BDP1: variants seen among roughly 807,000 people sequenced by gnomAD.
BDP1 encodes the protein transcription factor TFIIIB component B'' homolog.
Under a neutral mutation model 266.6 loss-of-function variants are expected in BDP1, and 169 were observed. The ratio of observed to expected loss-of-function variants is 0.63; its 90% CI spans 0.56 to 0.72. The LOEUF is 0.72. BDP1 is among the 30% of genes least tolerant of loss of function. The pLI is 0.00. For synonymous variants in BDP1, 1,090 were observed against 1,022.4 expected, an observed-to-expected ratio of 1.07 and a Z score of -1.26; for missense variants, 3,015 against 3,053.8, an observed-to-expected ratio of 0.99 and a Z score of 0.30.
Position 71,510,641 on chromosome 5 carries a change from G to A in BDP1, c.3549G>A (p.Arg1183=), listed in dbSNP as rs1764863122. Reference sequence around the variant, plus strand: ...CAACTGGAAGAGAGGGTTCCTCAAGGGAGAAGACACGAGAGGTGATTGATG... The same window carrying A: ...CAACTGGAAGAGAGGGTTCCTCAAGAGAGAAGACACGAGAGGTGATTGATG... The part of the protein sequence containing the change: ...LKTTGREGSS[R]EKTREVIDAA... Residue 1183 remains arginine, a synonymous_variant, in exon 17 of 39, where the codon AGG becomes AGA. Transcript: ENST00000358731. The A allele has an allele frequency of 1.3e-6, 2 of 1,586,668 alleles. No homozygotes were observed. Among genetic ancestry groups the A allele is most frequent in the Non-Finnish European group, 1.7e-6 (2 of 1,162,844 alleles).
At chr5:71,482,781 T>C (rs538100411) in intron 7 of BDP1, among the ~76,000 whole-genome samples, 1 of 152,222 alleles carries the variant, frequency 6.6e-6, no homozygotes. Flanking sequence ...TTTGAGGAAA[T>C]GTTTAAATAA....
At chr5:71,480,119 T>A (rs1199605339) in intron 7 of BDP1, among the ~76,000 whole-genome samples, 4 of 150,916 alleles carry the variant, frequency 2.7e-5, no homozygotes, top group African/African-American at 7.3e-5. Context: ...TAATTTTTTT[T>A]TTTTTATTTT....
chr5:71,530,997 C>A (rs1766210323), intron 25 of BDP1, among the ~76,000 whole-genome samples: 1 of 152,062 alleles, frequency 6.6e-6, no homozygotes, highest in Non-Finnish European at 1.5e-5. Flanking sequence ...TTGCTTGAGC[C>A]TGAGAGGTTG....
intron 16 of BDP1, among the ~76,000 whole-genome samples, chr5:71,506,817 A>ACACACACACACC (rs1195650711): frequency 8.6e-5 from 12 of 140,216 alleles, no homozygotes; most frequent in African/African-American, 3.1e-4. Context: ...ACACACACAC[A>ACACACACACACC]CACACACCCA....
At chr5:71,500,609 G>A (rs920753099) in intron 13 of BDP1, among the ~76,000 whole-genome samples, 5 of 152,040 alleles carry the variant, frequency 3.3e-5, no homozygotes, top group Non-Finnish European at 5.9e-5. Flanking sequence ...TTACAGGCGT[G>A]AGCCACCATG....
intron 33 of BDP1, among the ~76,000 whole-genome samples, 182 bp from the exon 34 acceptor site, chr5:71,549,238 C>T (rs1467290433): frequency 6.6e-6 from 1 of 151,936 alleles, no homozygotes; most frequent in Non-Finnish European, 1.5e-5. Context: ...ACTCTGTCTC[C>T]CCCCCGCAAA....
intron 13 of BDP1, among the ~76,000 whole-genome samples, chr5:71,498,655 C>T (rs1327256144): frequency 6.6e-6 from 1 of 151,268 alleles, no homozygotes; most frequent in Non-Finnish European, 1.5e-5. Context: ...AACTCCTGAC[C>T]TCATGTGATC....
chr5:71,551,574 A>G (rs1010367245), intron 34 of BDP1, among the ~76,000 whole-genome samples: 1 of 152,092 alleles, frequency 6.6e-6, no homozygotes, highest in African/African-American at 2.4e-5. Flanking sequence ...CCCCCTTTCT[A>G]TTCCACAAAA....
chr5:71,502,268 G>A (rs571407313), intron 14 of BDP1, among the ~76,000 whole-genome samples: 54 of 148,230 alleles, frequency 3.6e-4, no homozygotes, highest in African/African-American at 1.3e-3. Flanking sequence ...TCTGCCTCCC[G>A]GTTTCAAGCG....
At position 71,509,913 on chromosome 5, in the gene BDP1, A is replaced by C; in HGVS notation, c.2821A>C (p.Lys941Gln). ...EAGRREISPQ[K>Q]NGPEEVKPLG... Reference sequence around the variant, plus strand: ...TGGAAGAAGAGAAATATCCCCACAGAAAAATGGCCCAGAGGAGGTTAAGCC... The same window carrying C: ...TGGAAGAAGAGAAATATCCCCACAGCAAAATGGCCCAGAGGAGGTTAAGCC... Residue 941 changes from lysine to glutamine, a missense_variant, in exon 17 of 39, where the codon AAA becomes CAA. Around this residue, in one of 3 missense-constraint regions of BDP1, gnomAD observed 2,383 missense variants for 2,404.9 expected, o/e 0.99. Coordinates refer to ENST00000358731, the MANE Select transcript of BDP1 (RefSeq NM_018429.3). 1 of 1,613,292 alleles carries C rather than the reference A, an allele frequency of 6.2e-7. No homozygotes were observed. The highest frequency in any genetic ancestry group is 8.5e-7 in the Non-Finnish European group (1 of 1,179,792).
In BDP1 at chr5:71,542,263, G is replaced by T. The variant is rs1333814654; in HGVS notation, c.6410G>T (p.Arg2137Ile). The T allele has an allele frequency of 6.2e-7, 1 of 1,605,552 alleles. No individual in the cohort carries two copies. Among genetic ancestry groups the T allele is most frequent in the Non-Finnish European group, 8.5e-7 (1 of 1,177,934 alleles). ...AAAGGGGCAGAAATGGAAACTCAAA[G>T]AGGTAAATTTTATTCTCTTAATATG... ...VTKGAEMETQRETEKNASKAT... is the reference protein window; with the variant it reads ...VTKGAEMETQIETEKNASKAT... Residue 2137 changes from arginine (R) to isoleucine (I), a missense_variant and splice_region_variant, in exon 30 of 39, where the codon AGA becomes ATA. Physicochemically the swap from Arg to Ile is moderately conservative, Grantham distance 97 (BLOSUM62 -3). Transcript: ENST00000358731.
chr5:71,551,547 A>G (rs775544511), intron 34 of BDP1, among the ~76,000 whole-genome samples: 17 of 152,306 alleles, frequency 1.1e-4, no homozygotes, highest in Admixed American at 2.6e-4. Context: ...CGATTTCTCA[A>G]TCTTTTCCTC....
chr5:71,539,515 G>C (rs376665178), intron 27 of BDP1, 42 bp from the exon 28 acceptor site: 1 of 1,485,378 alleles, frequency 6.7e-7, no homozygotes, highest in Non-Finnish European at 9.3e-7. Context: ...ACAGATTTCC[G>C]GATTCATTCT....
At position 71,495,266 on chromosome 5, in the gene BDP1, A is replaced by C. The variant is rs1297297924; in HGVS notation, c.1657A>C (p.Thr553Pro). 6.4e-7 allele frequency: 1 copy of C among 1,566,008 alleles called. No homozygotes were observed. The highest frequency in any genetic ancestry group is 8.6e-7 in the Non-Finnish European group (1 of 1,156,224). Residue 553 changes from threonine to proline, a missense_variant, in exon 12 of 39, where the codon ACA (threonine) becomes CCA (proline). This residue lies in a region of BDP1 where 2,383 missense variants were observed against 2,404.9 expected (regional missense o/e 0.99). Coordinates refer to ENST00000358731, the MANE Select transcript of BDP1 (RefSeq NM_018429.3). ...TTTTTTTAGTAATCAACAAGATGCCACATCAGTAGCAACTGAGTCTTCAGA... is the reference window on the plus strand; with the variant it reads ...TTTTTTTAGTAATCAACAAGATGCCCCATCAGTAGCAACTGAGTCTTCAGA... ...ILSLSNQQDA[T>P]SVATESSESS...
At chr5:71,541,833 T>C in intron 29 of BDP1, 151 bp downstream of exon 29, 1 of 583,052 alleles carries the variant, frequency 1.7e-6, no homozygotes, top group Non-Finnish European at 2.9e-6. Context: ...GTGGTTTGCA[T>C]GTTTAAATTA....
intron 26 of BDP1, among the ~76,000 whole-genome samples, chr5:71,537,149 C>CAAAAAAAAAAAAAAAAAAAAAAAAA (rs70992979): frequency 3.6e-5 from 3 of 82,424 alleles, no homozygotes; most frequent in African/African-American, 4.9e-5. Flanking sequence ...ACCAAAAAAC[C>CAAAAAAAAAAAAAAAAAAAAAAAAA]AAAAAAAAAA....
Position 71,510,984 on chromosome 5 carries a change from A to C in BDP1, c.3892A>C (p.Ile1298Leu). The change falls in exon 17 of 39, where the codon ATC becomes CTC. Residue 1298 changes from isoleucine to leucine, a missense_variant. Ile to Leu is a conservative substitution (Grantham distance 5). This residue lies in a region of BDP1 where 2,383 missense variants were observed against 2,404.9 expected (regional missense o/e 0.99). Transcript: ENST00000358731. ...ENFRERGSEE[I>L]CVTEEKVAEL... ...TTTTAGAGAGAGAGGATCTGAAGAG[A>C]TCTGTGTTACTGAGGAAAAGGTGGC... The C allele has an allele frequency of 6.2e-7, 1 of 1,614,086 alleles. No homozygotes were observed. The highest frequency in any genetic ancestry group is 8.5e-7 in the Non-Finnish European group (1 of 1,180,014).
At chr5:71,532,682 TA>T (rs1242876085) in intron 26 of BDP1, among the ~76,000 whole-genome samples, 1 of 152,232 alleles carries the variant, frequency 6.6e-6, no homozygotes, top group Non-Finnish European at 1.5e-5. Flanking sequence ...ATAAACAAGT[TA>T]AAATATATTC....
rs13185743 is a variant in BDP1, at chr5:71,467,634, C to T, written c.919+147C>T. On this transcript the variant is annotated intron_variant, in intron 6 of 38. Coordinates refer to ENST00000358731, the MANE Select transcript of BDP1 (RefSeq NM_018429.3). ...TTTATTGACACCTCTATCTTATGCC[C>T]TCCATGGAATGGTATCTCTGACTTT... is the stretch of plus-strand genomic sequence containing the variant. 275,210 of 640,804 alleles carry T rather than the reference C, an allele frequency of 0.43. 61,330 individuals are homozygous for T. Among genetic ancestry groups the T allele is most frequent in the South Asian group, 0.46 (20,161 of 43,742 alleles). The allele number at this position is 640,804 out of a possible 1,614,324, so 39.7% of individuals were successfully genotyped here. A position where few individuals can be genotyped will look rare whatever the true frequency, so the allele number is the denominator to read the frequency against.
Sources: gnomAD v4.1 joint callset for allele counts (sites outside exome capture counted in the v4.1 genomes callset) on GRCh38, gnomAD v4.1.1 for gene constraint, gnomAD v4.1.1 regional missense constraint, MANE v1.5 for transcripts, NCBI Gene and HGNC (gene_info 2026-07-23, HGNC 2026-07-21) for gene names.